AEBP2: variants seen among roughly 807,000 people sequenced by gnomAD.
The protein encoded by AEBP2 is AE binding protein 2, also known as zinc finger protein AEBP2.
AEBP2 carries 10 observed loss-of-function variants against 50.8 expected under a neutral mutation model. The observed-to-expected ratio is 0.20, with a 90% confidence interval of 0.12 to 0.33. The LOEUF is 0.33. Ranked by LOEUF, AEBP2 falls within the 10% of genes least tolerant of loss-of-function variation. The pLI is 1.00. For synonymous variants in AEBP2, 296 were observed against 261.3 expected, an observed-to-expected ratio of 1.13 and a Z score of -1.28; for missense variants, 570 against 688.0, an observed-to-expected ratio of 0.83 and a Z score of 1.92.
At chr12:19,433,970 C>G (rs1050619463) in intron 1 of AEBP2, among the ~76,000 whole-genome samples, 2 of 151,940 alleles carry the variant, frequency 1.3e-5, no homozygotes, top group African/African-American at 4.8e-5. Context: ...CCTCAGCCTC[C>G]CTAGTAGCCG....
At chr12:19,485,900 G>A (rs1413090844) in intron 3 of AEBP2, among the ~76,000 whole-genome samples, 1 of 149,522 alleles carries the variant, frequency 6.7e-6, no homozygotes, top group Non-Finnish European at 1.5e-5. Flanking sequence ...AGTGGCAGGT[G>A]ACTATAGAGA....
intron 7 of AEBP2, among the ~76,000 whole-genome samples, chr12:19,515,288 T>C (rs1027956985): frequency 3.3e-5 from 5 of 152,220 alleles, no homozygotes; most frequent in Non-Finnish European, 5.9e-5. Flanking sequence ...GCTGTGCTTA[T>C]GAAGGTATGT....
chr12:19,407,192 G>A (rs886935881), intron 1 of AEBP2, among the ~76,000 whole-genome samples: 6 of 152,166 alleles, frequency 3.9e-5, no homozygotes, highest in African/African-American at 1.2e-4. Flanking sequence ...CAGCTACTCC[G>A]GAGGCTAAGG....
intron 1 of AEBP2, among the ~76,000 whole-genome samples, chr12:19,452,957 C>T (rs1011577157): frequency 1.5e-5 from 2 of 131,696 alleles, no homozygotes; most frequent in Non-Finnish European, 1.6e-5. Flanking sequence ...TATAGACTTA[C>T]GTTCTTTTTT....
At chr12:19,478,017 G>A (rs914525437) in intron 3 of AEBP2, among the ~76,000 whole-genome samples, 4 of 152,140 alleles carry the variant, frequency 2.6e-5, no homozygotes, top group African/African-American at 9.7e-5. Flanking sequence ...TATTTCTGTG[G>A]TATTGGTTGT....
Position 19,413,495 on chromosome 12 carries a change from C to T in AEBP2, c.-17+9279C>T, listed in dbSNP as rs973033991. The T allele has an allele frequency of 1.6e-5, 14 of 877,860 alleles. No homozygotes were observed. The East Asian group carries it at 2.9e-4, about 18-fold the overall frequency. The allele number at this position is 877,860 out of a possible 1,614,324, so 54.4% of individuals were successfully genotyped here. Reference sequence around the variant, plus strand: ...GCTCACAGACTAGAACTTAACAGAACAATTCTAGGACAGAAGTTAAGATCT... The same window carrying T: ...GCTCACAGACTAGAACTTAACAGAATAATTCTAGGACAGAAGTTAAGATCT... On this transcript the variant is annotated intron_variant, in intron 1 of 3. Coordinates refer to the AEBP2 transcript ENST00000538425.
intron 1 of AEBP2, chr12:19,413,585 A>T: frequency 3.6e-6 from 2 of 552,160 alleles, no homozygotes; most frequent in Admixed American, 3.2e-5. Context: ...TATGCAAAAT[A>T]AAAAAAAAGA....
chr12:19,512,569 C>T (rs995997939), intron 6 of AEBP2, 104 bp downstream of exon 6: 1 of 800,832 alleles, frequency 1.2e-6, no homozygotes, highest in East Asian at 2.8e-5. Flanking sequence ...AAAGAAATTA[C>T]ATTTTACAAC....
At chr12:19,424,217 G>A (rs187377142) in intron 1 of AEBP2, among the ~76,000 whole-genome samples, 1 of 152,176 alleles carries the variant, frequency 6.6e-6, no homozygotes, top group Admixed American at 6.5e-5. Flanking sequence ...GAGTGGCAAG[G>A]AAGGAAAAGG....
chr12:19,421,699 AG>A (rs962598353), intron 1 of AEBP2, among the ~76,000 whole-genome samples: 3 of 152,220 alleles, frequency 2.0e-5, no homozygotes, highest in African/African-American at 7.2e-5. Context: ...GTCACATAGC[AG>A]GGGGGCCTGG....
At chr12:19,412,332 C>T (rs2095739695) in intron 1 of AEBP2, among the ~76,000 whole-genome samples, 1 of 152,012 alleles carries the variant, frequency 6.6e-6, no homozygotes, top group Non-Finnish European at 1.5e-5. Flanking sequence ...GGCTGGAGTG[C>T]AGTGGTGTGA....
chr12:19,481,435 C>T lies in AEBP2; in HGVS notation c.987+8080C>T, dbSNP rs568956348. 2.9e-4 allele frequency among the ~76,000 whole-genome samples: 43 copies of T among 149,386 alleles called. No homozygotes were observed. In the South Asian group the frequency reaches 9.1e-3, roughly 32 times the overall value. On this transcript the variant is annotated intron_variant, in intron 3 of 7. Coordinates refer to ENST00000266508, the MANE Select transcript of AEBP2 (RefSeq NM_153207.5). The stretch of plus-strand genomic sequence containing the variant: ...CGTTTTCTGTTTCTCTTAAGTGTGC[C>T]TTTTATTTCTAGAAGTTGTGATTGT...
chr12:19,409,269 C>T (rs377528042), intron 1 of AEBP2, among the ~76,000 whole-genome samples: 14 of 151,936 alleles, frequency 9.2e-5, no homozygotes, highest in South Asian at 4.2e-4. Flanking sequence ...TACAGAACTT[C>T]GCATTATATT....
intron 1 of AEBP2, among the ~76,000 whole-genome samples, chr12:19,443,907 A>G (rs555357315): frequency 2.6e-5 from 4 of 152,234 alleles, no homozygotes; most frequent in Middle Eastern, 3.4e-3. Flanking sequence ...GTAAGTTTAT[A>G]GCGTGTTTAT....
Position 19,518,366 on chromosome 12 carries a change from T to G in AEBP2, c.*249T>G. On this transcript the variant is annotated 3_prime_UTR_variant, in exon 8 of 8. Transcript: ENST00000266508. ...TTCATGGAATGGTACTGTGGGAGAC[T>G]GAGCAAACACTCTTTTGGCAACTTA... 1 of 1,233,326 alleles carries G rather than the reference T, an allele frequency of 8.1e-7. No homozygotes were observed. The allele number at this position is 1,233,326 out of a possible 1,614,324, so 76.4% of individuals were successfully genotyped here. A position where few individuals can be genotyped will look rare whatever the true frequency, so the allele number is the denominator to read the frequency against.
In AEBP2 at chr12:19,518,234, TTTTTA is replaced by T; in HGVS notation, c.*118_*122del. On this transcript the variant is annotated 3_prime_UTR_variant, in exon 8 of 8. Transcript: ENST00000266508. ...CAACCCCTTCTTTTTTTTTTTTTTT[TTTTTA>T]AATCCAGTATTTAGGATAATATTTA... 1 of 1,383,186 alleles carries T rather than the reference TTTTTA, an allele frequency of 7.2e-7. No individual in the cohort carries two copies. Among genetic ancestry groups the T allele is most frequent in the East Asian group, 2.7e-5 (1 of 37,192 alleles). 85.7% of individuals were successfully genotyped at this position (1,383,186 alleles called of 1,614,324 possible).
At chr12:19,496,374 G>T (rs553109401) in intron 4 of AEBP2, among the ~76,000 whole-genome samples, 1 of 152,220 alleles carries the variant, frequency 6.6e-6, no homozygotes, top group East Asian at 1.9e-4. Context: ...GGAGAATGGG[G>T]TTAGTCCTGA....
At chr12:19,427,672 C>T (rs1347963367) in intron 1 of AEBP2, among the ~76,000 whole-genome samples, 1 of 152,102 alleles carries the variant, frequency 6.6e-6, no homozygotes, top group East Asian at 1.9e-4. Context: ...GGCAAAAAAC[C>T]ATACATACAA....
At chr12:19,453,300 T>C (rs1259148747) in intron 1 of AEBP2, among the ~76,000 whole-genome samples, 2 of 151,582 alleles carry the variant, frequency 1.3e-5, no homozygotes, top group East Asian at 2.0e-4. Context: ...AGTTTTTTTG[T>C]AGAGATGGGG....
Sources: allele counts gnomAD v4.1 joint callset (sites outside exome capture counted in the v4.1 genomes callset), GRCh38; gene constraint gnomAD v4.1.1; transcripts MANE v1.5; gene names NCBI Gene and HGNC (gene_info 2026-07-23, HGNC 2026-07-21).